The following NR5A2 variants were observed in gnomAD, a reference collection of about 807,000 sequenced individuals.
NR5A2 encodes the protein CYP7A promoter-binding factor.
In NR5A2, 26 loss-of-function variants were observed where a neutral mutation model predicts 62.7. The observed-to-expected ratio is 0.41, with a 90% CI of 0.30 to 0.58. The LOEUF is 0.58. Among genes scored for constraint, NR5A2 ranks in the 20% least tolerant of loss-of-function variants. The pLI, the probability that NR5A2 is intolerant of heterozygous loss-of-function variation, is 0.22. For missense variants in NR5A2, 541 were observed against 669.1 expected (o/e 0.81, Z 2.11); for synonymous variants, 246 against 241.7 (o/e 1.02, Z -0.16).
intron 7 of NR5A2, among the ~76,000 whole-genome samples, chr1:200,163,915 T>C (rs1039663045): frequency 6.6e-6 from 1 of 152,140 alleles, no homozygotes; most frequent in Admixed American, 6.5e-5. Context: ...CCAAATCTCA[T>C]GTCGAACTGT....
intron 5 of NR5A2, among the ~76,000 whole-genome samples, chr1:200,071,746 G>A (rs1042827313): frequency 3.9e-5 from 6 of 152,192 alleles, no homozygotes; most frequent in Admixed American, 6.5e-5. Context: ...TTTTGAGGTT[G>A]TGATGAAGAG....
chr1:200,160,612 C>A (rs532465871), intron 7 of NR5A2, among the ~76,000 whole-genome samples: 1 of 152,074 alleles, frequency 6.6e-6, no homozygotes, highest in Non-Finnish European at 1.5e-5. Context: ...GATAAGAATG[C>A]CTTTAAGCTA....
rs34977677 is a variant in NR5A2 at position 200,146,961 on chromosome 1, C to CTT, written c.1378+26017_1378+26018dup. On this transcript the variant is annotated intron_variant, in intron 7 of 7. Transcript: ENST00000367362. Reference sequence around the variant, plus strand: ...ATGTATGTATCCTTATCCTTGTATCCTTTTTTTTTTTTCTGGTTCCACTTT... The same window carrying CTT: ...ATGTATGTATCCTTATCCTTGTATCCTTTTTTTTTTTTTTCTGGTTCCACTTT... 5.1e-3 allele frequency among the ~76,000 whole-genome samples: 743 copies of CTT among 147,004 alleles called. 9 individuals are homozygous for CTT. Among genetic ancestry groups the CTT allele is most frequent in the African/African-American group, 0.018 (716 of 40,092 alleles).
intron 5 of NR5A2, among the ~76,000 whole-genome samples, chr1:200,067,044 T>C (rs1260460002): frequency 1.3e-5 from 2 of 152,212 alleles, no homozygotes; most frequent in African/African-American, 4.8e-5. Context: ...CTTGCTGAAT[T>C]GCAGCTATGT....
chr1:200,157,509 A>T (rs16846143), intron 7 of NR5A2, among the ~76,000 whole-genome samples: 1 of 152,214 alleles, frequency 6.6e-6, no homozygotes, highest in Non-Finnish European at 1.5e-5. Context: ...ACACTGAAAA[A>T]AAAATAGGAT....
intron 5 of NR5A2, among the ~76,000 whole-genome samples, chr1:200,073,115 GT>G (rs1445225078): frequency 6.6e-6 from 1 of 151,678 alleles, no homozygotes; most frequent in Non-Finnish European, 1.5e-5. Flanking sequence ...CAGAGGATCA[GT>G]TAACATAGTT....
intron 7 of NR5A2, among the ~76,000 whole-genome samples, chr1:200,150,677 C>T (rs1203589312): frequency 1.3e-5 from 2 of 152,146 alleles, no homozygotes; most frequent in Non-Finnish European, 2.9e-5. Context: ...GAAGAGAGAT[C>T]ATAAGATATC....
At chr1:200,120,708 A>G in intron 6 of NR5A2, 100 bp from the exon 7 acceptor site, 4 of 1,236,720 alleles carry the variant, frequency 3.2e-6, no homozygotes, top group Non-Finnish European at 3.3e-6. Flanking sequence ...TATTTTAAAA[A>G]CCTGTATTGC....
chr1:200,067,275 C>T (rs945262023), intron 5 of NR5A2, among the ~76,000 whole-genome samples: 1 of 151,964 alleles, frequency 6.6e-6, no homozygotes, highest in Non-Finnish European at 1.5e-5. Context: ...AGTGGGAGCT[C>T]GCTGAGCGCG....
At chr1:200,027,945 A>G (rs1571682570) in intron 1 of NR5A2, 34 bp downstream of exon 1, 1 of 1,399,150 alleles carries the variant, frequency 7.1e-7, no homozygotes, top group East Asian at 2.3e-5. Context: ...TCATCTATTT[A>G]TTCTGCTACT....
At chr1:200,074,497 G>T (rs1168737446) in intron 5 of NR5A2, among the ~76,000 whole-genome samples, 1 of 151,782 alleles carries the variant, frequency 6.6e-6, no homozygotes, top group Non-Finnish European at 1.5e-5. Flanking sequence ...CAGCACTTTG[G>T]GAGGCCGAGG....
intron 7 of NR5A2, among the ~76,000 whole-genome samples, chr1:200,127,889 T>TA: frequency 7.9e-6 from 1 of 127,120 alleles, no homozygotes; most frequent in Non-Finnish European, 1.7e-5. Context: ...GGACTGTACT[T>TA]ACTAAGACAC....
chr1:200,152,342 T>C (rs1032485017), intron 7 of NR5A2, among the ~76,000 whole-genome samples: 3 of 152,334 alleles, frequency 2.0e-5, no homozygotes, highest in Admixed American at 6.5e-5. Context: ...TACTTTCTGA[T>C]AGTTATGATC....
At chr1:200,118,113 T>C in intron 6 of NR5A2, among the ~76,000 whole-genome samples, 1 of 144,604 alleles carries the variant, frequency 6.9e-6, no homozygotes, top group South Asian at 2.2e-4. Flanking sequence ...GCCTCCTGGG[T>C]TCAAGCGATT....
intron 5 of NR5A2, among the ~76,000 whole-genome samples, chr1:200,077,543 G>C (rs575024344): frequency 1.3e-5 from 2 of 152,102 alleles, no homozygotes; most frequent in Non-Finnish European, 2.9e-5. Context: ...GTGAAACCTC[G>C]TCTCTGCTAA....
At chr1:200,137,773 A>C (rs1667291211) in intron 7 of NR5A2, among the ~76,000 whole-genome samples, 1 of 152,152 alleles carries the variant, frequency 6.6e-6, no homozygotes, top group South Asian at 2.1e-4. Context: ...AGTAATTAGC[A>C]ATTTCTTCTA....
At chr1:200,089,604 A>G (rs565318451) in intron 5 of NR5A2, among the ~76,000 whole-genome samples, 1 of 152,126 alleles carries the variant, frequency 6.6e-6, no homozygotes, top group Non-Finnish European at 1.5e-5. Context: ...TGAGTAGCTG[A>G]GACTATAGGC....
chr1:200,091,489 T>C (rs1479943475), intron 5 of NR5A2, among the ~76,000 whole-genome samples: 1 of 149,814 alleles, frequency 6.7e-6, no homozygotes, highest in Non-Finnish European at 1.5e-5. Flanking sequence ...TCTTTCTTTT[T>C]TTTTTTTTTT....
chr1:200,071,218 T>G (rs1663724756), intron 5 of NR5A2, among the ~76,000 whole-genome samples: 1 of 152,208 alleles, frequency 6.6e-6, no homozygotes, highest in Non-Finnish European at 1.5e-5. Context: ...GGAATTAATA[T>G]CCACAAAATA....
Sources: allele counts gnomAD v4.1 joint callset (sites outside exome capture counted in the v4.1 genomes callset), GRCh38; gene constraint gnomAD v4.1.1; transcripts MANE v1.5; gene names NCBI Gene and HGNC (gene_info 2026-07-23, HGNC 2026-07-21).